CDH18: variants seen among roughly 807,000 people sequenced by gnomAD.
The protein encoded by CDH18 is cadherin 18, also known as cadherin-18.
Under a neutral mutation model 67.9 loss-of-function variants are expected in CDH18, and 31 were observed. The observed-to-expected ratio is 0.46, with a 90% CI of 0.34 to 0.62. The LOEUF (loss-of-function observed/expected upper bound fraction) is 0.62. Among genes scored for constraint, CDH18 ranks in the 20% least tolerant of loss-of-function variants. The pLI, the probability that CDH18 is intolerant of heterozygous loss-of-function variation, is 0.01. For synonymous variants in CDH18, 362 were observed against 347.2 expected (o/e 1.04, Z -0.48); for missense variants, 890 against 975.5 (o/e 0.91, Z 1.17).
chr5:19,951,878 A>C (rs575570182), intron 2 of CDH18, among the ~76,000 whole-genome samples: 79 of 152,246 alleles, frequency 5.2e-4, no homozygotes, highest in African/African-American at 1.8e-3. Context: ...CAAAAATATC[A>C]AATCTGTTAC....
At chr5:20,575,265 C>G (rs1759054958) in intron 1 of CDH18, among the ~76,000 whole-genome samples, 1 of 146,108 alleles carries the variant, frequency 6.8e-6, no homozygotes, top group Non-Finnish European at 1.5e-5. Context: ...AAATCTGTAC[C>G]TGGAGATATT....
chr5:20,468,897 T>C (rs1751857068), intron 1 of CDH18, among the ~76,000 whole-genome samples: 2 of 152,164 alleles, frequency 1.3e-5, no homozygotes, highest in African/African-American at 4.8e-5. Context: ...TTAAAATACA[T>C]TAATCGAGGT....
At chr5:19,729,656 G>C (rs942673201) in intron 4 of CDH18, among the ~76,000 whole-genome samples, 51 of 152,160 alleles carry the variant, frequency 3.4e-4, no homozygotes, top group African/African-American at 1.1e-3. Flanking sequence ...AGAATACTTA[G>C]AAGGGAGTAA....
At chr5:19,544,954 C>G (rs1032268144) in intron 8 of CDH18, among the ~76,000 whole-genome samples, 1 of 152,126 alleles carries the variant, frequency 6.6e-6, no homozygotes, top group Non-Finnish European at 1.5e-5. Context: ...CCCACCGACA[C>G]ATGCAGTGTA....
chr5:19,760,557 G>A (rs1485131616), intron 3 of CDH18, among the ~76,000 whole-genome samples: 1 of 152,108 alleles, frequency 6.6e-6, no homozygotes, highest in Non-Finnish European at 1.5e-5. Context: ...CCTACTTAGT[G>A]AGCCCAGATC....
intron 1 of CDH18, among the ~76,000 whole-genome samples, chr5:20,561,500 C>A (rs574206376): frequency 6.6e-6 from 1 of 151,992 alleles, no homozygotes; most frequent in Non-Finnish European, 1.5e-5. Context: ...AGAAACCAAT[C>A]TGACAAGGCT....
intron 1 of CDH18, among the ~76,000 whole-genome samples, chr5:20,532,436 T>C (rs560815617): frequency 6.6e-6 from 1 of 152,278 alleles, no homozygotes; most frequent in East Asian, 1.9e-4. Flanking sequence ...GAAATATCTT[T>C]TTTTGTACTA....
intron 11 of CDH18, among the ~76,000 whole-genome samples, chr5:19,490,766 A>C (rs541064846): frequency 6.6e-6 from 1 of 152,070 alleles, no homozygotes; most frequent in Non-Finnish European, 1.5e-5. Context: ...TTGCTTAGTG[A>C]ATATGAGTCA....
intron 2 of CDH18, among the ~76,000 whole-genome samples, chr5:20,045,118 T>C (rs554088432): frequency 6.6e-6 from 1 of 152,316 alleles, no homozygotes; most frequent in African/African-American, 2.4e-5. Context: ...AATGTTTTTG[T>C]TCTCTGTTCG....
intron 3 of CDH18, among the ~76,000 whole-genome samples, chr5:19,811,161 G>GAAAGAAAGAGA (rs1491122708): frequency 3.6e-5 from 1 of 27,566 alleles, no homozygotes. Context: ...AAAGAAAGAA[G>GAAAGAAAGAGA]GAGAGAAAGA....
intron 5 of CDH18, among the ~76,000 whole-genome samples, chr5:19,661,548 T>A (rs1369106595): frequency 6.6e-6 from 1 of 152,010 alleles, no homozygotes; most frequent in Non-Finnish European, 1.5e-5. Flanking sequence ...CAAAGATAAT[T>A]AGTAAAGTAA....
intron 1 of CDH18, among the ~76,000 whole-genome samples, chr5:20,537,388 TA>T (rs1395197234): frequency 8.1e-6 from 1 of 123,522 alleles, no homozygotes. Context: ...AACATGTCTT[TA>T]AAAAACTGAT....
intron 2 of CDH18, among the ~76,000 whole-genome samples, chr5:20,243,157 T>C (rs1223237544): frequency 2.0e-5 from 3 of 151,892 alleles, no homozygotes; most frequent in South Asian, 2.1e-4. Context: ...GTCTCTCTTC[T>C]AGTTAGATAG....
Position 19,925,644 on chromosome 5 carries a change from C to T in CDH18, c.-257+55416G>A, listed in dbSNP as rs145463545. ...CTGGGATCACAGGTGCCTGCCACCACGCATGGTTAATTTTTGTATGTTTAG... is the reference window on the plus strand; with the variant it reads ...CTGGGATCACAGGTGCCTGCCACCATGCATGGTTAATTTTTGTATGTTTAG... On this transcript the variant is annotated intron_variant, in intron 2 of 12. Transcript: ENST00000382275. Among the ~76,000 whole-genome samples, 331 of 152,084 alleles carry T rather than the reference C, an allele frequency of 2.2e-3. 2 individuals carry two copies. The highest frequency in any genetic ancestry group is 7.7e-3 in the African/African-American group (320 of 41,488).
At chr5:19,826,395 A>G (rs1481329807) in intron 3 of CDH18, among the ~76,000 whole-genome samples, 1 of 152,118 alleles carries the variant, frequency 6.6e-6, no homozygotes, top group Non-Finnish European at 1.5e-5. Flanking sequence ...GTGAGGTACT[A>G]TAAAGATGAC....
chr5:19,932,076 TA>T (rs1411624911), intron 2 of CDH18, among the ~76,000 whole-genome samples: 1 of 151,790 alleles, frequency 6.6e-6, no homozygotes, highest in Non-Finnish European at 1.5e-5. Context: ...ATGTATGAAC[TA>T]AAAGAAAAAG....
chr5:20,430,437 A>C (rs1487506672), intron 1 of CDH18, among the ~76,000 whole-genome samples: 1 of 151,998 alleles, frequency 6.6e-6, no homozygotes. Flanking sequence ...CCAGATTCTC[A>C]CCCATAGCTG....
At chr5:19,493,546 G>A (rs1054317230) in intron 11 of CDH18, among the ~76,000 whole-genome samples, 259 of 151,610 alleles carry the variant, frequency 1.7e-3, no homozygotes, top group Non-Finnish European at 2.8e-3. Context: ...GGGTGTGTGT[G>A]TGTGTGTGTG....
At chr5:20,473,577 T>G (rs1752236952) in intron 1 of CDH18, among the ~76,000 whole-genome samples, 1 of 152,088 alleles carries the variant, frequency 6.6e-6, no homozygotes, top group South Asian at 2.1e-4. Flanking sequence ...TATTGTTCTT[T>G]TCACTTGAAT....
Sources: allele counts gnomAD v4.1 joint callset (sites outside exome capture counted in the v4.1 genomes callset), GRCh38; gene constraint gnomAD v4.1.1; transcripts MANE v1.5; gene names NCBI Gene and HGNC (gene_info 2026-07-23, HGNC 2026-07-21).